Variants in TRHDE observed in about 807,000 individuals in gnomAD.
TRHDE encodes thyrotropin-releasing hormone-degrading ectoenzyme.
In TRHDE, 72 loss-of-function variants were observed where a neutral mutation model predicts 125.7. The ratio of observed to expected loss-of-function variants is 0.57; its 90% CI spans 0.47 to 0.70. TRHDE has a LOEUF of 0.70. TRHDE is among the 30% of genes least tolerant of loss of function. The probability of loss-of-function intolerance (pLI) is 0.00; values close to 1 mark genes in which losing one functional copy is unlikely to be tolerated. For missense variants in TRHDE, 1,110 were observed against 1,327.1 expected (o/e 0.84, Z 2.54); for synonymous variants, 509 against 509.1 (o/e 1.00, Z 0.00).
chr12:72,521,122 G>C lies in TRHDE; in HGVS notation c.1723-21169G>C, dbSNP rs542653748. Among the ~76,000 whole-genome samples, 82 of 152,280 alleles carry C rather than the reference G, an allele frequency of 5.4e-4. No homozygotes were observed. In the South Asian group the frequency reaches 7.5e-3, roughly 14 times the overall value. On this transcript the variant is annotated intron_variant, in intron 6 of 18. Transcript: ENST00000261180. ...CAAGTAGGTATTGACTTTCACAGCA[G>C]AGAATACTATACATGTATCCAAATA...
intron 2 of TRHDE, among the ~76,000 whole-genome samples, chr12:72,158,121 A>T (rs1470394441): frequency 6.6e-6 from 1 of 152,174 alleles, no homozygotes; most frequent in African/African-American, 2.4e-5. Flanking sequence ...TTGGTAGGAG[A>T]TGTCAATGAA....
intron 3 of TRHDE, among the ~76,000 whole-genome samples, chr12:72,413,086 G>A (rs893846842): frequency 3.3e-5 from 5 of 151,906 alleles, no homozygotes; most frequent in African/African-American, 1.2e-4. Flanking sequence ...TTACATTTGT[G>A]TTTTATATAC....
At position 72,453,623 on chromosome 12, in the gene TRHDE, A is replaced by G. The variant is rs79818236; in HGVS notation, c.1316-16135A>G. On this transcript the variant is annotated intron_variant, in intron 3 of 18. Transcript: ENST00000261180. Reference sequence around the variant, plus strand: ...AAGGCAAGAGCTAATAGAGAAAACAATGAGGAAAAGGCCTTGAAAGTATTT... The same window carrying G: ...AAGGCAAGAGCTAATAGAGAAAACAGTGAGGAAAAGGCCTTGAAAGTATTT... 7.3e-3 allele frequency among the ~76,000 whole-genome samples: 1,116 copies of G among 152,334 alleles called. 11 individuals carry two copies. The highest frequency in any genetic ancestry group is 0.026 in the African/African-American group (1,072 of 41,580).
At chr12:72,654,261 AC>A (rs1344270479) in intron 17 of TRHDE, among the ~76,000 whole-genome samples, 5 of 152,168 alleles carry the variant, frequency 3.3e-5, no homozygotes, top group Admixed American at 3.3e-4. Flanking sequence ...TTTATTGCCT[AC>A]CAAAAAATGT....
In TRHDE at chr12:72,469,778, C is replaced by T; in HGVS notation, c.1336C>T (p.His446Tyr). Residue 446 changes from histidine (H) to tyrosine (Y), a missense_variant, in exon 4 of 19, where the codon CAT (histidine) becomes TAT (tyrosine). This residue lies in a region of TRHDE where 252 missense variants were observed against 274.8 expected (regional missense o/e 0.92). Transcript: ENST00000261180. ...TCTAGATCTTTTAGCTGTGCCTAAG[C>T]ATCCGTATGCTGCTATGGAGAACTG... ...PKLDLLAVPKHPYAAMENWGL... is the reference protein window; with the variant it reads ...PKLDLLAVPKYPYAAMENWGL... 6.2e-7 allele frequency: 1 copy of T among 1,614,002 alleles called. No homozygotes were observed. Among genetic ancestry groups the T allele is most frequent in the South Asian group, 1.1e-5 (1 of 91,050 alleles).
chr12:72,116,484 A>G (rs1034677894), intron 2 of TRHDE, among the ~76,000 whole-genome samples: 1 of 152,220 alleles, frequency 6.6e-6, no homozygotes, highest in African/African-American at 2.4e-5. Context: ...CTAACAATGT[A>G]AAAGCATTCC....
intron 3 of TRHDE, among the ~76,000 whole-genome samples, chr12:72,453,712 C>G (rs1226833166): frequency 6.6e-6 from 1 of 152,208 alleles, no homozygotes; most frequent in African/African-American, 2.4e-5. Flanking sequence ...AGAATGGCTT[C>G]CTGAGCCAGG....
At chr12:72,409,633 A>G (rs1477396534) in intron 3 of TRHDE, among the ~76,000 whole-genome samples, 2 of 152,214 alleles carry the variant, frequency 1.3e-5, no homozygotes, top group African/African-American at 4.8e-5. Context: ...TGTAAATGTG[A>G]CAGAAATAAA....
intron 2 of TRHDE, among the ~76,000 whole-genome samples, chr12:72,158,295 C>A (rs1190459112): frequency 6.6e-6 from 1 of 151,790 alleles, no homozygotes; most frequent in Admixed American, 6.6e-5. Flanking sequence ...CTTAAACCAG[C>A]ACTTGTACCC....
chr12:72,126,577 A>C (rs1875718701), intron 2 of TRHDE, among the ~76,000 whole-genome samples: 1 of 152,226 alleles, frequency 6.6e-6, no homozygotes, highest in South Asian at 2.1e-4. Flanking sequence ...GATCTTTGAC[A>C]AAGTCTACAA....
At chr12:72,183,490 C>T (rs992382956) in intron 2 of TRHDE, among the ~76,000 whole-genome samples, 4 of 152,068 alleles carry the variant, frequency 2.6e-5, no homozygotes, top group Non-Finnish European at 2.9e-5. Flanking sequence ...ATAGTTCTAA[C>T]GTTTATTTGA....
intron 6 of TRHDE, among the ~76,000 whole-genome samples, chr12:72,508,224 G>A (rs1366592194): frequency 6.6e-6 from 1 of 152,202 alleles, no homozygotes; most frequent in African/African-American, 2.4e-5. Flanking sequence ...GCTGTGAGAA[G>A]AGGGCTACCA....
At chr12:72,160,931 G>T (rs1181216720) in intron 2 of TRHDE, among the ~76,000 whole-genome samples, 2 of 152,100 alleles carry the variant, frequency 1.3e-5, no homozygotes, top group African/African-American at 4.8e-5. Context: ...TGTTTGAGTA[G>T]AACTCTTCAC....
At position 72,399,487 on chromosome 12, in the gene TRHDE, A is replaced by G. The variant is rs1290400935; in HGVS notation, c.1315+21366A>G. Among the ~76,000 whole-genome samples the G allele has an allele frequency of 2.6e-5, 4 of 152,260 alleles. No homozygotes were observed. In the East Asian group the frequency reaches 5.8e-4, roughly 22 times the overall value. ...TAAACTACTCTTGTGCTGCTTGTAAACATATAGGAAACAGAGATGTTTTAC... is the reference window on the plus strand; with the variant it reads ...TAAACTACTCTTGTGCTGCTTGTAAGCATATAGGAAACAGAGATGTTTTAC... On this transcript the variant is annotated intron_variant, in intron 3 of 18. Transcript: ENST00000261180.
chr12:72,219,936 G>C (rs1035210113), intron 2 of TRHDE, among the ~76,000 whole-genome samples: 2 of 152,162 alleles, frequency 1.3e-5, no homozygotes, highest in Admixed American at 1.3e-4. Flanking sequence ...TCTGGGAAAA[G>C]CACTGTTTGC....
chr12:72,247,951 TATCA>T (rs1878604846), intron 2 of TRHDE, among the ~76,000 whole-genome samples: 1 of 152,186 alleles, frequency 6.6e-6, no homozygotes, highest in Non-Finnish European at 1.5e-5. Context: ...TTTTATCATC[TATCA>T]ATCTGTCATA....
chr12:72,122,638 A>G (rs1411130702), intron 2 of TRHDE, among the ~76,000 whole-genome samples: 1 of 152,118 alleles, frequency 6.6e-6, no homozygotes, highest in African/African-American at 2.4e-5. Flanking sequence ...AGTTAACTCA[A>G]AACACTTAGA....
intron 3 of TRHDE, among the ~76,000 whole-genome samples, chr12:72,391,914 G>A (rs1274360390): frequency 6.6e-6 from 1 of 152,144 alleles, no homozygotes; most frequent in African/African-American, 2.4e-5. Flanking sequence ...TAATGTAACT[G>A]TATTGAAATA....
intron 2 of TRHDE, among the ~76,000 whole-genome samples, chr12:72,296,327 G>A: frequency 6.6e-6 from 1 of 152,194 alleles, no homozygotes; most frequent in East Asian, 1.9e-4. Context: ...TCACTTTTAA[G>A]GACATCCGCA....
Sources: allele counts gnomAD v4.1 joint callset (sites outside exome capture counted in the v4.1 genomes callset), GRCh38; gene constraint gnomAD v4.1.1; regional missense constraint gnomAD v4.1.1; transcripts MANE v1.5; gene names NCBI Gene and HGNC (gene_info 2026-07-23, HGNC 2026-07-21).